Variants in TMEM245 observed in about 807,000 individuals in gnomAD.
TMEM245 encodes the protein protein CG-2.
TMEM245 carries 69 observed loss-of-function variants against 101.2 expected under a neutral mutation model. The observed-to-expected ratio is 0.68, with a 90% CI of 0.56 to 0.83. The LOEUF is 0.83. TMEM245 is among the 40% of genes least tolerant of loss of function. The pLI is 0.00. For missense variants in TMEM245, 1,075 were observed against 1,092.8 expected (o/e 0.98, Z 0.23); for synonymous variants, 537 against 449.8 (o/e 1.19, Z -2.45).
Position 109,119,665 on chromosome 9 carries a change from C to A in TMEM245, c.249G>T (p.Pro83=). ...TGCCGCATAGCACGGCCCAGAGCAG[C>A]GGCCGCAGGAAGGCCTCCAGGATGA... is the stretch of plus-strand genomic sequence containing the variant. ...VYFILEAFLR[P]LLWAVLCGTF... Residue 83 remains proline, a synonymous_variant, in exon 1 of 18, where the codon CCG becomes CCT. Coordinates refer to ENST00000374586, the MANE Select transcript of TMEM245 (RefSeq NM_032012.4). 1 of 1,555,966 alleles carries A rather than the reference C, an allele frequency of 6.4e-7. No individual in the cohort carries two copies. Among genetic ancestry groups the A allele is most frequent in the Admixed American group, 1.9e-5 (1 of 52,760 alleles).
intron 14 of TMEM245, 52 bp from the exon 15 acceptor site, chr9:109,038,169 G>A: frequency 7.0e-7 from 1 of 1,437,030 alleles, no homozygotes; most frequent in South Asian, 1.3e-5. Context: ...GTCATATCGT[G>A]ATTCAGAAAA....
chr9:109,042,744 C>T (rs1828350345), intron 14 of TMEM245, among the ~76,000 whole-genome samples: 1 of 151,372 alleles, frequency 6.6e-6, no homozygotes, highest in Non-Finnish European at 1.5e-5. Context: ...ATTTGTGCAA[C>T]TATCATCATT....
At chr9:109,102,796 AG>A (rs2132622677) in intron 3 of TMEM245, among the ~76,000 whole-genome samples, 1 of 152,380 alleles carries the variant, frequency 6.6e-6, no homozygotes, top group Non-Finnish European at 1.5e-5. Flanking sequence ...TACTGCAGCT[AG>A]TAATCTGCTC....
Position 109,090,940 on chromosome 9 carries a change from G to A in TMEM245, c.1132C>T (p.Leu378=). Reference sequence around the variant, plus strand: ...TAACGACCTGCAATCGGCACTGGCAGCAACTGCACAATCCACAGGTTCAAC... The same window carrying A: ...TAACGACCTGCAATCGGCACTGGCAACAACTGCACAATCCACAGGTTCAAC... ...IWLNLWIVQL[L]PVPIAVWILK... is the part of the protein sequence containing the mutation. The change falls in exon 5 of 18, where the codon CTG becomes TTG. Residue 378 remains leucine, a synonymous_variant. Coordinates refer to ENST00000374586, the MANE Select transcript of TMEM245 (RefSeq NM_032012.4). 1 of 1,614,130 alleles carries A rather than the reference G, an allele frequency of 6.2e-7. No homozygotes were observed. The highest frequency in any genetic ancestry group is 2.2e-5 in the East Asian group (1 of 44,880).
At chr9:109,085,904 T>A in intron 7 of TMEM245, 93 bp downstream of exon 7, 1 of 1,397,072 alleles carries the variant, frequency 7.2e-7, no homozygotes, top group East Asian at 2.3e-5. Context: ...AAAAACTTAG[T>A]TTGACACATG....
At chr9:109,066,697 ATATATTGGTAT>A (rs1829180227) in intron 9 of TMEM245, among the ~76,000 whole-genome samples, 1 of 151,770 alleles carries the variant, frequency 6.6e-6, no homozygotes, top group South Asian at 2.1e-4. Context: ...TATTATATTG[ATATATTGGTAT>A]TATATTGATA....
chr9:109,096,045 C>T (rs1214067116), intron 3 of TMEM245, among the ~76,000 whole-genome samples: 1 of 152,188 alleles, frequency 6.6e-6, no homozygotes, highest in Non-Finnish European at 1.5e-5. Flanking sequence ...GCGGACCACA[C>T]TTGATGAGGA....
intron 14 of TMEM245, among the ~76,000 whole-genome samples, chr9:109,042,839 ATTTT>A (rs754295748): frequency 8.7e-6 from 1 of 115,532 alleles, no homozygotes; most frequent in Non-Finnish European, 1.7e-5. Context: ...ATAGCTGACA[ATTTT>A]TTTTTTTTTT....
rs1830873080 is a variant in TMEM245 at position 109,119,936 on chromosome 9, C to A, written c.-23G>T. 1.1e-5 allele frequency: 14 copies of A among 1,292,506 alleles called. No homozygotes were observed. The highest frequency in any genetic ancestry group is 1.5e-5 in the African/African-American group (1 of 65,646). The allele number at this position is 1,292,506 out of a possible 1,614,324, so 80.1% of individuals were successfully genotyped here. A position where few individuals can be genotyped will look rare whatever the true frequency, so the allele number is the denominator to read the frequency against. On this transcript the variant is annotated 5_prime_UTR_variant, in exon 1 of 18. Transcript: ENST00000374586. ...CATCGTTCCTCCGCCACAGCCGCCC[C>A]CGAGGGGCGGTAATGGGAGTCGGGC...
rs560585552 is a variant in TMEM245 at position 109,025,182 on chromosome 9, G to A, written c.2595-4677C>T. On this transcript the variant is annotated intron_variant, in intron 17 of 17. Transcript: ENST00000374586. ...AGTGCACCCCAAGTGAAATTCTTAG[G>A]GTTAGTGTAAAGATCTGCAGAAGCG... 5.3e-5 allele frequency among the ~76,000 whole-genome samples: 8 copies of A among 152,262 alleles called. No individual in the cohort carries two copies. In the South Asian group the frequency reaches 1.7e-3, roughly 32 times the overall value.
chr9:109,079,737 C>A (rs1829613964), intron 8 of TMEM245, among the ~76,000 whole-genome samples: 1 of 149,398 alleles, frequency 6.7e-6, no homozygotes, highest in African/African-American at 2.5e-5. Flanking sequence ...GCAAAGGGAC[C>A]AAGAAGGAAA....
Position 109,083,433 on chromosome 9 carries a change from T to C in TMEM245, c.1345-2490A>G, listed in dbSNP as rs193118424. The stretch of plus-strand genomic sequence containing the variant: ...ACCAAGTCTCTAAATGTCCCCAATC[T>C]TTCCATGCTGAAAGACTGAGAAGTT... On this transcript the variant is annotated intron_variant, in intron 7 of 17. Coordinates refer to ENST00000374586, the MANE Select transcript of TMEM245 (RefSeq NM_032012.4). Among the ~76,000 whole-genome samples the C allele has an allele frequency of 2.0e-4, 30 of 152,300 alleles. No individual in the cohort carries two copies. In the East Asian group the frequency reaches 5.2e-3, roughly 26 times the overall value.
rs1165301738 is a variant in TMEM245, at chr9:109,017,957, C to A, written c.*2503G>T. ...CCGTTGCTGTAGCAATGGGGCAGGT[C>A]AAGTTTCCTGATCATAGCTGTGAAG... On this transcript the variant is annotated 3_prime_UTR_variant, in exon 18 of 18. Coordinates refer to ENST00000374586, the MANE Select transcript of TMEM245 (RefSeq NM_032012.4). 1 of 152,180 alleles carries A rather than the reference C, an allele frequency of 6.6e-6. No homozygotes were observed. The highest frequency in any genetic ancestry group is 2.4e-5 in the African/African-American group (1 of 41,458). 9.4% of individuals were successfully genotyped at this position (152,180 alleles called of 1,614,324 possible).
At chr9:109,115,359 A>G (rs1229603401) in intron 1 of TMEM245, among the ~76,000 whole-genome samples, 1 of 151,952 alleles carries the variant, frequency 6.6e-6, no homozygotes, top group East Asian at 1.9e-4. Flanking sequence ...TATAAGAAGA[A>G]AAAAGAAAAA....
intron 3 of TMEM245, among the ~76,000 whole-genome samples, chr9:109,104,982 C>T (rs1830372512): frequency 6.6e-6 from 1 of 152,016 alleles, no homozygotes; most frequent in African/African-American, 2.4e-5. Context: ...ATCAAAAACA[C>T]AAGCAATAAA....
chr9:109,076,569 G>A (rs1829514735), intron 8 of TMEM245, among the ~76,000 whole-genome samples: 1 of 151,998 alleles, frequency 6.6e-6, no homozygotes, highest in African/African-American at 2.4e-5. Context: ...AATTATTAAA[G>A]GCTTTAACTA....
chr9:109,059,342 C>T (rs1828938789), intron 11 of TMEM245, among the ~76,000 whole-genome samples: 1 of 152,170 alleles, frequency 6.6e-6, no homozygotes, highest in Admixed American at 6.5e-5. Flanking sequence ...CCTCCTCCCC[C>T]TCCACCCTAC....
Position 109,085,925 on chromosome 9 carries a change from T to C in TMEM245, c.1344+72A>G, listed in dbSNP as rs964757155. On this transcript the variant is annotated intron_variant, in intron 7 of 17. Transcript: ENST00000374586. ...TTAGTTTGACACATGGACAGAAACA[T>C]AGAGTGAAAAAGGCGATACAGGGGC... 45 of 1,507,702 alleles carry C rather than the reference T, an allele frequency of 3.0e-5. No individual in the cohort carries two copies. In the Middle Eastern group the frequency reaches 6.8e-4, roughly 23 times the overall value. The allele number at this position is 1,507,702 out of a possible 1,614,324, so 93.4% of individuals were successfully genotyped here. A position where few individuals can be genotyped will look rare whatever the true frequency, so the allele number is the denominator to read the frequency against.
Position 109,036,207 on chromosome 9 carries a change from C to T in TMEM245, c.2398G>A (p.Gly800Arg). The change falls in exon 16 of 18, where the codon GGA becomes AGA. Residue 800 changes from glycine (G) to arginine (R), a missense_variant and splice_region_variant. By Grantham distance (125) the Gly-to-Arg change is moderately radical. Coordinates refer to ENST00000374586, the MANE Select transcript of TMEM245 (RefSeq NM_032012.4). ...TAAGAAATTCTGTGGCTTACTTACC[C>T]TGATATGTCAGAGTAGATTGCAGTA... ...VDTAIYSDIS[G>R]GGHPYLTGLA... 1 of 1,588,942 alleles carries T rather than the reference C, an allele frequency of 6.3e-7. No homozygotes were observed. The highest frequency in any genetic ancestry group is 8.5e-7 in the Non-Finnish European group (1 of 1,172,266).
Sources: allele counts gnomAD v4.1 joint callset (sites outside exome capture counted in the v4.1 genomes callset), GRCh38; gene constraint gnomAD v4.1.1; transcripts MANE v1.5; gene names NCBI Gene and HGNC (gene_info 2026-07-23, HGNC 2026-07-21).